ZNF439: variants seen among roughly 807,000 people sequenced by gnomAD.
ZNF439 encodes the protein zinc finger protein 439.
In ZNF439, 40 loss-of-function variants were observed where a neutral mutation model predicts 47.3. The ratio of observed to expected loss-of-function variants is 0.85; its 90% CI spans 0.66 to 1.10. The LOEUF is 1.10. Among genes scored for constraint, ZNF439 ranks in the 50% least tolerant of loss-of-function variants. ZNF439 has a pLI of 0.00. For synonymous variants in ZNF439, 171 were observed against 198.8 expected (o/e 0.86, Z 1.18); for missense variants, 556 against 601.1 (o/e 0.93, Z 0.78).
At position 11,867,673 on chromosome 19, in the gene ZNF439, C is replaced by G. The variant is rs746354029; in HGVS notation, c.619C>G (p.Gln207Glu). Reference sequence around the variant, plus strand: ...AAACATTATTTACCATTCAAGCATTCAAAGACACATGGTAGTGCACAGTGG... The same window carrying G: ...AAACATTATTTACCATTCAAGCATTGAAAGACACATGGTAGTGCACAGTGG... ...GKNIIYHSSIQRHMVVHSGDG... is the reference protein window; with the variant it reads ...GKNIIYHSSIERHMVVHSGDG... Residue 207 changes from glutamine (Q) to glutamate (E), a missense_variant, in exon 4 of 4, where the codon CAA (glutamine) becomes GAA (glutamate). Transcript: ENST00000682736. The G allele has an allele frequency of 1.2e-6, 2 of 1,614,134 alleles. No individual in the cohort carries two copies. The highest frequency in any genetic ancestry group is 4.5e-5 in the East Asian group (2 of 44,878).
At chr19:11,849,966 C>T (rs936880048) in intron 1 of ZNF439, 2 of 152,136 alleles carry the variant, frequency 1.3e-5, no homozygotes, top group African/African-American at 2.4e-5. Context: ...ATAAGGAGAC[C>T]TGTCTCACCT....
At chr19:11,850,389 A>G (rs1976203447) in intron 1 of ZNF439, 1 of 151,968 alleles carries the variant, frequency 6.6e-6, no homozygotes, top group Non-Finnish European at 1.5e-5. Flanking sequence ...ATATGTTTTT[A>G]TTTTTGTTTT....
Position 11,852,458 on chromosome 19 carries a change from A to G in ZNF439, c.63+3528A>G, listed in dbSNP as rs147916783. On this transcript the variant is annotated intron_variant, in intron 1 of 3. Transcript: ENST00000682736. ...CTCAACCCCATGATCACATTGCTTCAAGACAGTTTAGAGATGCACCAGCTT... is the reference window on the plus strand; with the variant it reads ...CTCAACCCCATGATCACATTGCTTCGAGACAGTTTAGAGATGCACCAGCTT... 1.5e-3 allele frequency among the ~76,000 whole-genome samples: 231 copies of G among 152,320 alleles called. 4 individuals carry two copies. The East Asian group carries it at 0.021, about 14-fold the overall frequency.
intron 1 of ZNF439, 170 bp from the exon 2 acceptor site, chr19:11,866,033 AAT>A (rs1474771560): frequency 6.9e-7 from 1 of 1,457,202 alleles, no homozygotes; most frequent in African/African-American, 1.5e-5. Context: ...TAAAAAAAAA[AAT>A]TGCTTTATGG....
At position 11,858,006 on chromosome 19, in the gene ZNF439, C is replaced by T. The variant is rs925902328; in HGVS notation, c.64-8199C>T. On this transcript the variant is annotated intron_variant, in intron 1 of 3. Transcript: ENST00000682736. ...GCAGTAGGAAACATATTCAGAGTCT[C>T]CTTCAATGTTTGTCCTACAAAATGC... 4.6e-5 allele frequency: 7 copies of T among 152,164 alleles called. 1 individual carries two copies. The highest frequency in any genetic ancestry group is 4.6e-4 in the Admixed American group (7 of 15,274). 9.4% of individuals were successfully genotyped at this position (152,164 alleles called of 1,614,324 possible).
At chr19:11,851,168 A>G (rs1976229010) in intron 1 of ZNF439, 2 of 152,360 alleles carry the variant, frequency 1.3e-5, no homozygotes, top group East Asian at 1.9e-4. Flanking sequence ...AGAGTAGGGC[A>G]TCCTCATACA....
rs1363396111 is a variant in ZNF439, at chr19:11,866,254, G to A, written c.113G>A (p.Trp38Ter). ...GCTGTGAACTTCACCCAGGAGGAGT[G>A]GGCTTTGCTGGATATTTCCCAGAAG... is the stretch of plus-strand genomic sequence containing the variant. Reference protein sequence around the residue: ...DVAVNFTQEEWALLDISQKNL... With the variant: ...DVAVNFTQEE Residue 38 changes from tryptophan (W) to a stop codon, truncating the protein, a stop_gained, in exon 2 of 4, where the codon TGG (tryptophan) becomes TAG (stop). Transcript: ENST00000682736. LOFTEE classifies it high-confidence loss of function. 1 of 1,613,994 alleles carries A rather than the reference G, an allele frequency of 6.2e-7. No individual in the cohort carries two copies. The highest frequency in any genetic ancestry group is 8.5e-7 in the Non-Finnish European group (1 of 1,180,028).
Position 11,868,084 on chromosome 19 carries a change from A to C in ZNF439, c.1030A>C (p.Thr344Pro), listed in dbSNP as rs757436562. ...GTGTGGGAAAGCATTATCCTCTCTT[A>C]CAAGTTTTCAAACACACATAAGAAT... is the stretch of plus-strand genomic sequence containing the variant. Reference protein sequence around the residue: ...KQCGKALSSLTSFQTHIRMHS... With the variant: ...KQCGKALSSLPSFQTHIRMHS... The change falls in exon 4 of 4, where the codon ACA (threonine) becomes CCA (proline). Residue 344 changes from threonine (T) to proline (P), a missense_variant. Physicochemically the swap from Thr to Pro is conservative, Grantham distance 38. Transcript: ENST00000682736. The C allele has an allele frequency of 1.2e-6, 2 of 1,614,210 alleles. No homozygotes were observed. Among genetic ancestry groups the C allele is most frequent in the Non-Finnish European group, 1.7e-6 (2 of 1,180,040 alleles).
At chr19:11,863,152 CTTTTTTTTTT>C (rs34655587) in intron 1 of ZNF439, among the ~76,000 whole-genome samples, 1 of 90,058 alleles carries the variant, frequency 1.1e-5, no homozygotes, top group South Asian at 3.5e-4. Context: ...AAAGATTTTG[CTTTTTTTTTT>C]TTTTTTTTTT....
rs141619420 is a variant in ZNF439, at chr19:11,864,509, C to T, written c.64-1696C>T. 2.6e-5 allele frequency among the ~76,000 whole-genome samples: 4 copies of T among 152,260 alleles called. No homozygotes were observed. The East Asian group carries it at 7.7e-4, about 29-fold the overall frequency. Reference sequence around the variant, plus strand: ...ATGGAGTTCCACCATGTTAGCCAGGCTGGTCTCACACTGCTGACCTCAAGT... The same window carrying T: ...ATGGAGTTCCACCATGTTAGCCAGGTTGGTCTCACACTGCTGACCTCAAGT... On this transcript the variant is annotated intron_variant, in intron 1 of 3. Coordinates refer to ENST00000682736, the MANE Select transcript of ZNF439 (RefSeq NM_001348719.2).
intron 1 of ZNF439, among the ~76,000 whole-genome samples, chr19:11,865,034 C>A (rs886815552): frequency 1.8e-4 from 28 of 152,332 alleles, no homozygotes; most frequent in African/African-American, 6.0e-4. Flanking sequence ...CCCGCCTCCA[C>A]CTCCCAAAGT....
Position 11,868,399 on chromosome 19 carries a change from G to A in ZNF439, c.1345G>A (p.Gly449Arg). 1.9e-6 allele frequency: 3 copies of A among 1,613,666 alleles called. No homozygotes were observed. Among genetic ancestry groups the A allele is most frequent in the South Asian group, 1.1e-5 (1 of 91,066 alleles). The change falls in exon 4 of 4, where the codon GGG (glycine) becomes AGG (arginine). Residue 449 changes from glycine (G) to arginine (R), a missense_variant. By Grantham distance (125) the Gly-to-Arg change is moderately radical. Transcript: ENST00000682736. ...GEKPYQCKECGKAFRSASQLR... is the reference protein window; with the variant it reads ...GEKPYQCKECRKAFRSASQLR... The stretch of plus-strand genomic sequence containing the variant: ...GAAACCGTATCAATGTAAGGAATGT[G>A]GGAAAGCTTTCAGATCTGCCTCACA...
chr19:11,865,423 C>A (rs941744860), intron 1 of ZNF439, among the ~76,000 whole-genome samples: 6 of 149,632 alleles, frequency 4.0e-5, no homozygotes, highest in Admixed American at 6.8e-5. Flanking sequence ...TGTCTCCCCT[C>A]CTCTCTGCTT....
intron 2 of ZNF439, 44 bp downstream of exon 2, chr19:11,866,375 A>G (rs1385433761): frequency 3.7e-6 from 6 of 1,612,536 alleles, no homozygotes; most frequent in African/African-American, 2.7e-5. Flanking sequence ...TAGTTTACCA[A>G]TGTTTCTAGC....
intron 1 of ZNF439, among the ~76,000 whole-genome samples, chr19:11,861,520 T>G (rs1401788811): frequency 6.6e-6 from 1 of 152,136 alleles, no homozygotes; most frequent in Non-Finnish European, 1.5e-5. Context: ...TTCATCTAGA[T>G]AACCAATTCT....
At chr19:11,858,982 T>C (rs978752453) in intron 1 of ZNF439, among the ~76,000 whole-genome samples, 1 of 152,210 alleles carries the variant, frequency 6.6e-6, no homozygotes, top group Non-Finnish European at 1.5e-5. Flanking sequence ...AAATTAGCCA[T>C]TGCTTGACCT....
intron 1 of ZNF439, among the ~76,000 whole-genome samples, chr19:11,858,685 G>A (rs987451561): frequency 9.2e-5 from 14 of 152,138 alleles, no homozygotes; most frequent in Non-Finnish European, 1.9e-4. Flanking sequence ...CCTGCATCCA[G>A]TTGCTCTTTT....
rs1440070312 is a variant in ZNF439, at chr19:11,866,224, A to C, written c.83A>C (p.Asp28Ala). The C allele has an allele frequency of 6.2e-7, 1 of 1,614,104 alleles. No homozygotes were observed. Among genetic ancestry groups the C allele is most frequent in the Non-Finnish European group, 8.5e-7 (1 of 1,180,022 alleles). The change falls in exon 2 of 4, where the codon GAT (aspartate) becomes GCT (alanine). Residue 28 changes from aspartate (D) to alanine (A), a missense_variant. Transcript: ENST00000682736. ...TTTCAGGACCCAGTGGCTTTTAAGG[A>C]TGTGGCTGTGAACTTCACCCAGGAG... Reference protein sequence around the residue: ...SREMDPVAFKDVAVNFTQEEW... With the variant: ...SREMDPVAFKAVAVNFTQEEW...
intron 1 of ZNF439, among the ~76,000 whole-genome samples, chr19:11,851,822 AT>A (rs1976251738): frequency 6.6e-6 from 1 of 151,744 alleles, no homozygotes; most frequent in Admixed American, 6.6e-5. Flanking sequence ...GTAATTTTTA[AT>A]TTTTTATGGA....
Sources: allele counts gnomAD v4.1 joint callset (sites outside exome capture counted in the v4.1 genomes callset), GRCh38; gene constraint gnomAD v4.1.1; transcripts MANE v1.5; gene names NCBI Gene and HGNC (gene_info 2026-07-23, HGNC 2026-07-21).